Variants in GPC6 observed in about 807,000 individuals in gnomAD.
The protein encoded by GPC6 is glypican-6.
A neutral mutation model predicts 55.2 loss-of-function variants in GPC6; 14 were observed. The observed-to-expected ratio is 0.25, with a 90% CI of 0.17 to 0.40. The LOEUF is 0.40. Among genes scored for constraint, GPC6 ranks in the 10% least tolerant of loss-of-function variants. The probability of loss-of-function intolerance (pLI) is 1.00; values close to 1 mark genes in which losing one functional copy is unlikely to be tolerated. For missense variants in GPC6, 641 were observed against 708.5 expected (o/e 0.90, Z 1.08); for synonymous variants, 278 against 259.6 (o/e 1.07, Z -0.68).
chr13:93,410,359 G>C (rs1182259015), intron 1 of GPC6, among the ~76,000 whole-genome samples: 1 of 152,028 alleles, frequency 6.6e-6, no homozygotes, highest in East Asian at 1.9e-4. Flanking sequence ...TAACAATAAA[G>C]CTTAACTAGG....
At chr13:93,870,847 T>A (rs1889111316) in intron 3 of GPC6, among the ~76,000 whole-genome samples, 1 of 151,916 alleles carries the variant, frequency 6.6e-6, no homozygotes. Context: ...CTTGAACTCC[T>A]GGGCTCAATT....
At chr13:93,981,130 A>T (rs1880786281) in intron 3 of GPC6, among the ~76,000 whole-genome samples, 1 of 152,298 alleles carries the variant, frequency 6.6e-6, no homozygotes. Context: ...TGCCTTTGAA[A>T]AGACTCTTGT....
chr13:93,423,628 T>C (rs1388146440), intron 1 of GPC6, among the ~76,000 whole-genome samples: 1 of 152,202 alleles, frequency 6.6e-6, no homozygotes, highest in Non-Finnish European at 1.5e-5. Flanking sequence ...TGATCGTCTC[T>C]CTGGGAATGA....
Position 93,990,273 on chromosome 13 carries a change from T to A in GPC6, c.712-37456T>A, listed in dbSNP as rs556005453. ...GACAGTAATGTCTGCCTTTTTTTTT[T>A]AATTTACTTTGTTCTCTGCCCTTCA... On this transcript the variant is annotated intron_variant, in intron 3 of 8. Transcript: ENST00000377047. 4.5e-4 allele frequency among the ~76,000 whole-genome samples: 68 copies of A among 151,970 alleles called. No individual in the cohort carries two copies. In the East Asian group the frequency reaches 7.0e-3, roughly 16 times the overall value.
intron 2 of GPC6, among the ~76,000 whole-genome samples, chr13:93,615,362 ATC>A (rs1878666979): frequency 6.6e-6 from 1 of 152,108 alleles, no homozygotes; most frequent in Admixed American, 6.6e-5. Flanking sequence ...GAATTGCAAC[ATC>A]TGTTTGTTTT....
chr13:94,088,448 G>A (rs1885363019), intron 4 of GPC6, among the ~76,000 whole-genome samples: 1 of 151,730 alleles, frequency 6.6e-6, no homozygotes, highest in Non-Finnish European at 1.5e-5. Flanking sequence ...TAGCATTTTG[G>A]GAGGCCAAGG....
At chr13:93,419,678 G>C (rs1876851494) in intron 1 of GPC6, among the ~76,000 whole-genome samples, 1 of 152,148 alleles carries the variant, frequency 6.6e-6, no homozygotes, top group Non-Finnish European at 1.5e-5. Flanking sequence ...ATTAGCAACA[G>C]TTCTGTGAGG....
At chr13:93,246,180 G>A (rs1424344215) in intron 1 of GPC6, among the ~76,000 whole-genome samples, 1 of 152,162 alleles carries the variant, frequency 6.6e-6, no homozygotes, top group Non-Finnish European at 1.5e-5. Flanking sequence ...TATGCAAGGC[G>A]ACTACATTTA....
At chr13:93,942,537 G>T (rs764252405) in intron 3 of GPC6, among the ~76,000 whole-genome samples, 3 of 152,142 alleles carry the variant, frequency 2.0e-5, no homozygotes, top group Non-Finnish European at 4.4e-5. Context: ...GACCAGGTTG[G>T]TCTCAAACTC....
intron 2 of GPC6, among the ~76,000 whole-genome samples, chr13:93,691,579 C>A (rs1415457772): frequency 6.6e-6 from 1 of 151,448 alleles, no homozygotes; most frequent in East Asian, 2.0e-4. Context: ...CCATGAAACA[C>A]TTTTTTCAGA....
chr13:94,175,280 C>A (rs866750440), intron 4 of GPC6, among the ~76,000 whole-genome samples: 3 of 152,246 alleles, frequency 2.0e-5, no homozygotes, highest in African/African-American at 4.8e-5. Context: ...CTCTCTGTTG[C>A]AACTACACAA....
At chr13:94,313,398 C>G (rs547318996) in intron 6 of GPC6, among the ~76,000 whole-genome samples, 3 of 152,160 alleles carry the variant, frequency 2.0e-5, no homozygotes, top group Non-Finnish European at 4.4e-5. Context: ...ACCCAATGGG[C>G]AGTGAACTAT....
chr13:93,965,658 GAGA>G (rs2140388667), intron 3 of GPC6, among the ~76,000 whole-genome samples: 1 of 152,200 alleles, frequency 6.6e-6, no homozygotes, highest in Admixed American at 6.5e-5. Context: ...GAGGCCAGTG[GAGA>G]AGAACTGAGG....
chr13:94,372,830 G>T (rs1879636745), intron 6 of GPC6, among the ~76,000 whole-genome samples: 1 of 152,186 alleles, frequency 6.6e-6, no homozygotes, highest in African/African-American at 2.4e-5. Context: ...CAGCTTTGAA[G>T]AGAGCAGTGG....
Position 93,965,176 on chromosome 13 carries a change from C to A in GPC6, c.712-62553C>A, listed in dbSNP as rs573698803. Reference sequence around the variant, plus strand: ...GTTAAAAATAACCACGATTGGGAGGCTGATGCGGGCAGATCACACGGTCAG... The same window carrying A: ...GTTAAAAATAACCACGATTGGGAGGATGATGCGGGCAGATCACACGGTCAG... On this transcript the variant is annotated intron_variant, in intron 3 of 8. Transcript: ENST00000377047. Among the ~76,000 whole-genome samples, 3 of 118,690 alleles carry A rather than the reference C, an allele frequency of 2.5e-5. No homozygotes were observed. In the Admixed American group the frequency reaches 3.6e-4, roughly 14 times the overall value. The allele number at this position is 118,690 out of a possible 152,430, so 77.9% of individuals were successfully genotyped here.
At chr13:93,840,716 C>T (rs1887922078) in intron 3 of GPC6, among the ~76,000 whole-genome samples, 1 of 151,992 alleles carries the variant, frequency 6.6e-6, no homozygotes, top group Non-Finnish European at 1.5e-5. Context: ...TGCCTATCCC[C>T]CTCAAATACA....
chr13:93,620,880 T>G (rs1203067421), intron 2 of GPC6, among the ~76,000 whole-genome samples: 1 of 152,158 alleles, frequency 6.6e-6, no homozygotes, highest in Non-Finnish European at 1.5e-5. Flanking sequence ...CGAGGCCACA[T>G]CCTTCACCTA....
intron 3 of GPC6, among the ~76,000 whole-genome samples, chr13:93,910,003 G>C (rs1876880029): frequency 6.6e-6 from 1 of 152,006 alleles, no homozygotes; most frequent in South Asian, 2.1e-4. Context: ...GGTTAGTTTT[G>C]AGAGGAATTC....
intron 4 of GPC6, among the ~76,000 whole-genome samples, chr13:94,229,012 A>C (rs1345539440): frequency 6.6e-6 from 1 of 152,202 alleles, no homozygotes; most frequent in Non-Finnish European, 1.5e-5. Context: ...AAACACTATC[A>C]TATCTGGTGG....
Sources: gnomAD v4.1 joint callset for allele counts (sites outside exome capture counted in the v4.1 genomes callset) on GRCh38, gnomAD v4.1.1 for gene constraint, MANE v1.5 for transcripts, NCBI Gene and HGNC (gene_info 2026-07-23, HGNC 2026-07-21) for gene names.